Variants in ENPP1 observed in about 807,000 individuals in gnomAD.
ENPP1 encodes ectonucleotide pyrophosphatase/phosphodiesterase 1.
ENPP1 carries 73 observed loss-of-function variants against 122.8 expected under a neutral mutation model. That is an observed-to-expected ratio of 0.59 (90% CI 0.49 to 0.72). ENPP1 has a LOEUF of 0.72. Among genes scored for constraint, ENPP1 ranks in the 30% least tolerant of loss-of-function variants. The pLI, the probability that ENPP1 is intolerant of heterozygous loss-of-function variation, is 0.00. For missense variants in ENPP1, 978 were observed against 1,128.1 expected (o/e 0.87, Z 1.91); for synonymous variants, 367 against 391.6 (o/e 0.94, Z 0.74).
chr6:131,877,409 A>G, intron 18 of ENPP1: 1 of 519,996 alleles, frequency 1.9e-6, no homozygotes, highest in Admixed American at 3.1e-5. Context: ...GGTGTGGTGA[A>G]GTCTAGTTAG....
chr6:131,846,156 C>T (rs559897669), intron 1 of ENPP1, among the ~76,000 whole-genome samples: 2 of 152,252 alleles, frequency 1.3e-5, no homozygotes, highest in South Asian at 4.1e-4. Flanking sequence ...AGTCCGTACT[C>T]AATACTCTTC....
intron 1 of ENPP1, 90 bp from the exon 2 acceptor site, chr6:131,847,686 A>G: frequency 5.5e-6 from 5 of 914,356 alleles, no homozygotes; most frequent in Non-Finnish European, 6.8e-6. Context: ...AGCCTGGGTA[A>G]CAGAGTAAGA....
intron 22 of ENPP1, among the ~76,000 whole-genome samples, chr6:131,884,087 G>T (rs1054994985): frequency 2.6e-5 from 4 of 152,026 alleles, no homozygotes; most frequent in African/African-American, 9.7e-5. Context: ...TAACTTTTTG[G>T]AAGTTCTTGA....
intron 1 of ENPP1, among the ~76,000 whole-genome samples, chr6:131,822,578 C>G (rs1356746982): frequency 6.8e-6 from 1 of 146,970 alleles, no homozygotes; most frequent in Non-Finnish European, 1.5e-5. Flanking sequence ...GTACATATCA[C>G]TTTTAAAAAA....
At chr6:131,824,523 C>T (rs1184690478) in intron 1 of ENPP1, among the ~76,000 whole-genome samples, 7 of 151,996 alleles carry the variant, frequency 4.6e-5, no homozygotes, top group South Asian at 4.2e-4. Flanking sequence ...GGCGCCATCT[C>T]GGCTCACTGC....
chr6:131,816,796 A>G (rs1333328446), intron 1 of ENPP1, among the ~76,000 whole-genome samples: 4 of 152,208 alleles, frequency 2.6e-5, no homozygotes, highest in Non-Finnish European at 5.9e-5. Context: ...TGGCAGCTTT[A>G]AAAAGCATTT....
chr6:131,858,562 G>T, intron 6 of ENPP1, 106 bp from the exon 7 acceptor site: 1 of 727,738 alleles, frequency 1.4e-6, no homozygotes, highest in Non-Finnish European at 2.4e-6. Flanking sequence ...ATCCCTCCTG[G>T]GCTAATTTTT....
intron 6 of ENPP1, among the ~76,000 whole-genome samples, chr6:131,858,261 G>A (rs970705458): frequency 2.2e-4 from 34 of 152,142 alleles, no homozygotes; most frequent in African/African-American, 7.0e-4. Flanking sequence ...TTTATGGCCT[G>A]GGACCCTGTC....
chr6:131,874,515 G>T (rs1470865618), intron 16 of ENPP1, among the ~76,000 whole-genome samples, 178 bp downstream of exon 16: 1 of 148,976 alleles, frequency 6.7e-6, no homozygotes, highest in Non-Finnish European at 1.5e-5. Context: ...ATATTCATTG[G>T]CTATTACTAA....
In ENPP1 at chr6:131,872,635, A is replaced by G. The variant is rs201546973; in HGVS notation, c.1438-288A>G. Reference sequence around the variant, plus strand: ...CTGAGTTCTGGGGCTTTTATGCAGTAATAATTATGATTTCCTCTAAATATT... The same window carrying G: ...CTGAGTTCTGGGGCTTTTATGCAGTGATAATTATGATTTCCTCTAAATATT... On this transcript the variant is annotated intron_variant, in intron 14 of 24. Coordinates refer to ENST00000647893, the MANE Select transcript of ENPP1 (RefSeq NM_006208.3). Among the ~76,000 whole-genome samples, 5 of 152,134 alleles carry G rather than the reference A, an allele frequency of 3.3e-5. No homozygotes were observed. The East Asian group carries it at 9.6e-4, about 29-fold the overall frequency.
chr6:131,851,480 T>G (rs1233676404), intron 4 of ENPP1: 4 of 561,852 alleles, frequency 7.1e-6, no homozygotes, highest in Non-Finnish European at 9.4e-6. Context: ...TCACCCAGCT[T>G]CATAATTATG....
rs1223743952 is a variant in ENPP1, at chr6:131,861,633, C to A, written c.954C>A (p.Gly318=). Residue 318 remains glycine (G), a synonymous_variant, in exon 9 of 25, where the codon GGC becomes GGA. Coordinates refer to ENST00000647893, the MANE Select transcript of ENPP1 (RefSeq NM_006208.3). ...VTAKYQGLKS[G]TFFWPGSDVE... ...CTAAGTATCAAGGCCTCAAGTCTGG[C>A]ACATTTTTCTGGCCAGGATCAGATG... The A allele has an allele frequency of 3.1e-6, 5 of 1,613,802 alleles. No individual in the cohort carries two copies. The East Asian group carries it at 8.9e-5, about 29-fold the overall frequency.
Position 131,837,948 on chromosome 6 carries a change from T to A in ENPP1, c.241-9828T>A, listed in dbSNP as rs187918224. 1.2e-3 allele frequency among the ~76,000 whole-genome samples: 178 copies of A among 152,304 alleles called. 1 individual carries two copies. The highest frequency in any genetic ancestry group is 1.4e-3 in the Admixed American group (22 of 15,298). ...ATTTTTTTACTTTCTAGATCTTTTT[T>A]AAAATAATATACTGTTTTCTGTTAC... On this transcript the variant is annotated intron_variant, in intron 1 of 24. Transcript: ENST00000647893.
intron 9 of ENPP1, among the ~76,000 whole-genome samples, chr6:131,862,461 G>C (rs1217515268): frequency 6.6e-6 from 1 of 152,206 alleles, no homozygotes; most frequent in African/African-American, 2.4e-5. Flanking sequence ...TGCAGAGCCA[G>C]CTGTGTGGGA....
intron 7 of ENPP1, 117 bp from the exon 8 acceptor site, chr6:131,860,264 CCTTAAA>C: frequency 1.3e-6 from 1 of 781,142 alleles, no homozygotes; most frequent in South Asian, 1.7e-5. Context: ...GTTTTTCTTT[CCTTAAA>C]CTTATTATAA....
intron 1 of ENPP1, among the ~76,000 whole-genome samples, chr6:131,836,158 G>A (rs1036320612): frequency 1.3e-5 from 2 of 151,640 alleles, no homozygotes; most frequent in African/African-American, 4.8e-5. Context: ...TGCTGCCCAG[G>A]CTGGAGTGCA....
intron 7 of ENPP1, among the ~76,000 whole-genome samples, chr6:131,859,397 G>GT (rs1032619458): frequency 3.5e-5 from 5 of 141,678 alleles, no homozygotes; most frequent in African/African-American, 7.7e-5. Flanking sequence ...TTTTTTTTTT[G>GT]TTTTTTTGAG....
chr6:131,858,236 T>C (rs1472215325), intron 6 of ENPP1, among the ~76,000 whole-genome samples: 1 of 152,156 alleles, frequency 6.6e-6, no homozygotes, highest in Non-Finnish European at 1.5e-5. Flanking sequence ...TTGTCCAGGG[T>C]TAGCTGCTTC....
At position 131,878,574 on chromosome 6, in the gene ENPP1, C is replaced by G; in HGVS notation, c.1926C>G (p.Phe642Leu). Reference sequence around the variant, plus strand: ...CGATTGAGGATTTTCAAACACAGTTCAATCTGACTGTGGCAGAAGGTAAGG... The same window carrying G: ...CGATTGAGGATTTTCAAACACAGTTGAATCTGACTGTGGCAGAAGGTAAGG... ...ILPIEDFQTQ[F>L]NLTVAEEKII... Residue 642 changes from phenylalanine to leucine, a missense_variant, in exon 19 of 25, where the codon TTC becomes TTG. Phe to Leu is a conservative substitution (Grantham distance 22). Coordinates refer to ENST00000647893, the MANE Select transcript of ENPP1 (RefSeq NM_006208.3). 6.2e-7 allele frequency: 1 copy of G among 1,612,884 alleles called. No individual in the cohort carries two copies. Among genetic ancestry groups the G allele is most frequent in the South Asian group, 1.1e-5 (1 of 91,044 alleles).
Sources: allele counts gnomAD v4.1 joint callset (sites outside exome capture counted in the v4.1 genomes callset), GRCh38; gene constraint gnomAD v4.1.1; transcripts MANE v1.5; gene names NCBI Gene and HGNC (gene_info 2026-07-23, HGNC 2026-07-21).